The following FRYL variants were observed in gnomAD, a reference collection of about 807,000 sequenced individuals.
FRYL encodes protein furry homolog-like.
A neutral mutation model predicts 351.2 loss-of-function variants in FRYL; 150 were observed. That is an observed-to-expected ratio of 0.43 (90% confidence interval 0.37 to 0.49). The LOEUF is 0.49. Among genes scored for constraint, FRYL ranks in the 20% least tolerant of loss-of-function variants. FRYL has a pLI of 0.00. For missense variants in FRYL, 3,036 were observed against 3,619.3 expected, an observed-to-expected ratio of 0.84 and a Z score of 4.13; for synonymous variants, 1,153 against 1,257.1, an observed-to-expected ratio of 0.92 and a Z score of 1.75.
intron 3 of FRYL, chr4:48,637,172 C>T (rs545769961): frequency 2.6e-5 from 4 of 152,044 alleles, no homozygotes; most frequent in Non-Finnish European, 4.4e-5. Context: ...AGGACATGAA[C>T]AAGCAAGTTA....
intron 47 of FRYL, 21 bp downstream of exon 47, chr4:48,539,950 T>G (rs1432001041): frequency 1.3e-6 from 2 of 1,551,986 alleles, no homozygotes; most frequent in East Asian, 2.2e-5. Context: ...AGTGTTACCT[T>G]TCAGCATAAC....
chr4:48,545,263 A>G (rs143233177), intron 42 of FRYL, among the ~76,000 whole-genome samples: 13 of 152,340 alleles, frequency 8.5e-5, no homozygotes, highest in African/African-American at 2.6e-4. Context: ...CAATGAGAAT[A>G]ATTTACTAGC....
At chr4:48,614,334 A>G (rs1184948532) in intron 7 of FRYL, among the ~76,000 whole-genome samples, 1 of 152,198 alleles carries the variant, frequency 6.6e-6, no homozygotes, top group Non-Finnish European at 1.5e-5. Context: ...TAATATCTCC[A>G]TCTTTAGCAA....
intron 4 of FRYL, among the ~76,000 whole-genome samples, chr4:48,627,672 CA>C (rs988538128): frequency 6.6e-6 from 1 of 152,136 alleles, no homozygotes; most frequent in Non-Finnish European, 1.5e-5. Flanking sequence ...AGATATACTA[CA>C]CTAAATATAA....
At chr4:48,738,261 A>G (rs1771658472) in intron 1 of FRYL, among the ~76,000 whole-genome samples, 1 of 152,246 alleles carries the variant, frequency 6.6e-6, no homozygotes, top group Non-Finnish European at 1.5e-5. Context: ...ACAAGGTTGC[A>G]GGATACAATG....
chr4:48,570,221 T>C (rs191025090), intron 27 of FRYL, among the ~76,000 whole-genome samples: 3 of 152,114 alleles, frequency 2.0e-5, no homozygotes, highest in South Asian at 2.1e-4. Flanking sequence ...CCTAAGGAAA[T>C]AGTTATTTTT....
chr4:48,601,491 C>T (rs968897175), intron 13 of FRYL, among the ~76,000 whole-genome samples: 1 of 152,064 alleles, frequency 6.6e-6, no homozygotes, highest in African/African-American at 2.4e-5. Flanking sequence ...TATGGATGTG[C>T]CAAATAGTGT....
intron 3 of FRYL, among the ~76,000 whole-genome samples, chr4:48,681,382 A>G (rs1484228373): frequency 6.6e-6 from 1 of 152,160 alleles, no homozygotes; most frequent in African/African-American, 2.4e-5. Context: ...TACATGTACA[A>G]TGGGTGTTAA....
chr4:48,735,894 C>T lies in FRYL; in HGVS notation c.-383-25196G>A, dbSNP rs1443006530. Among the ~76,000 whole-genome samples, 12 of 108,442 alleles carry T rather than the reference C, an allele frequency of 1.1e-4. No homozygotes were observed. The South Asian group carries it at 3.2e-3, about 29-fold the overall frequency. The allele number at this position is 108,442 out of a possible 152,430, so 71.1% of individuals were successfully genotyped here. ...CTAGATGACACATTAGTGGGTGCAG[C>T]GCACCAGCATGGCACATGTATACAT... On this transcript the variant is annotated intron_variant, in intron 1 of 63. Transcript: ENST00000358350.
intron 59 of FRYL, among the ~76,000 whole-genome samples, chr4:48,508,168 G>C (rs1353563345): frequency 1.3e-5 from 2 of 152,178 alleles, no homozygotes; most frequent in African/African-American, 4.8e-5. Flanking sequence ...ACAAAAATAG[G>C]CAGTGGGCCA....
At chr4:48,765,775 G>T (rs1387433232) in intron 1 of FRYL, among the ~76,000 whole-genome samples, 6 of 151,946 alleles carry the variant, frequency 3.9e-5, no homozygotes, top group Admixed American at 3.9e-4. Context: ...GAATATATAA[G>T]GAATTCATAC....
chr4:48,704,235 C>A (rs966226907), intron 2 of FRYL, among the ~76,000 whole-genome samples: 8 of 151,920 alleles, frequency 5.3e-5, no homozygotes, highest in African/African-American at 1.7e-4. Context: ...AAAACACCAA[C>A]AAACAGAAAA....
chr4:48,527,483 A>T lies in FRYL; in HGVS notation c.7311T>A (p.Asp2437Glu), dbSNP rs1343390185. ...DFDFLDVELE[D>E]AEGESMDNFN... ...AGAAAGCCCACATCCTTACCTCTGC[A>T]TCTTCCAATTCAACATCTAAAAAGT... Residue 2437 changes from aspartate (D) to glutamate (E), a missense_variant, in exon 53 of 64, where the codon GAT becomes GAA. By Grantham distance (45) the Asp-to-Glu change is conservative. This residue lies in a region of FRYL where 1,987 missense variants were observed against 2,311.7 expected (regional missense o/e 0.86). Transcript: ENST00000358350. 6.2e-7 allele frequency: 1 copy of T among 1,611,254 alleles called. No individual in the cohort carries two copies. Among genetic ancestry groups the T allele is most frequent in the East Asian group, 2.2e-5 (1 of 44,828 alleles).
chr4:48,681,275 T>C (rs1764570969), intron 3 of FRYL: 2 of 238,588 alleles, frequency 8.4e-6, no homozygotes, highest in Admixed American at 5.5e-5. Flanking sequence ...AGTCAGTCAA[T>C]TGCCAGCTGT....
Position 48,581,578 on chromosome 4 carries a change from G to A in FRYL, c.2014C>T (p.Pro672Ser). The A allele has an allele frequency of 1.9e-6, 3 of 1,611,354 alleles. No individual in the cohort carries two copies. The highest frequency in any genetic ancestry group is 1.7e-4 in the Middle Eastern group (1 of 6,044). Residue 672 changes from proline to serine, a missense_variant, in exon 21 of 64, where the codon CCC (proline) becomes TCC (serine). Transcript: ENST00000358350. ...TATGGGCTCCTTTCCAGAGGAGGGGGATGAGAAGCTCCATTAGCTACACCA... is the reference window on the plus strand; with the variant it reads ...TATGGGCTCCTTTCCAGAGGAGGGGAATGAGAAGCTCCATTAGCTACACCA... ...QHGVANGASH[P>S]PPLERSPYSN...
intron 3 of FRYL, among the ~76,000 whole-genome samples, chr4:48,669,026 T>C (rs1245560420): frequency 6.6e-6 from 1 of 152,218 alleles, no homozygotes; most frequent in African/African-American, 2.4e-5. Flanking sequence ...TTTAAAACCG[T>C]ATCTTTATTT....
chr4:48,559,323 G>A (rs762560019), intron 33 of FRYL, among the ~76,000 whole-genome samples: 65 of 151,554 alleles, frequency 4.3e-4, no homozygotes, highest in Non-Finnish European at 3.5e-4. Flanking sequence ...TAGGGGTCAC[G>A]GTGTGGTTTG....
At chr4:48,585,260 T>C (rs561510011) in intron 19 of FRYL, among the ~76,000 whole-genome samples, 1 of 152,246 alleles carries the variant, frequency 6.6e-6, no homozygotes, top group African/African-American at 2.4e-5. Context: ...ACAAAAAAAT[T>C]AGGAGACTGT....
chr4:48,536,866 T>C (rs1422730894), intron 47 of FRYL, among the ~76,000 whole-genome samples: 1 of 152,214 alleles, frequency 6.6e-6, no homozygotes, highest in East Asian at 1.9e-4. Context: ...TTTAATAGGC[T>C]TGGAGGGCCT....
Sources: allele counts gnomAD v4.1 joint callset (sites outside exome capture counted in the v4.1 genomes callset), GRCh38; gene constraint gnomAD v4.1.1; regional missense constraint gnomAD v4.1.1; transcripts MANE v1.5; gene names NCBI Gene and HGNC (gene_info 2026-07-23, HGNC 2026-07-21).